The following PHF24 variants were observed in gnomAD, a reference collection of about 807,000 sequenced individuals.
PHF24 encodes the protein PHD finger protein 24.
A neutral mutation model predicts 42.6 loss-of-function variants in PHF24; 25 were observed. That is an observed-to-expected ratio of 0.59 (90% CI 0.43 to 0.82). The LOEUF (loss-of-function observed/expected upper bound fraction) is 0.82. Among genes scored for constraint, PHF24 ranks in the 40% least tolerant of loss-of-function variants. The pLI is 0.00. For synonymous variants in PHF24, 185 were observed against 204.8 expected (o/e 0.90, Z 0.83); for missense variants, 470 against 538.1 (o/e 0.87, Z 1.25).
the PHF24 span, among the ~76,000 whole-genome samples, chr9:34,914,710 G>A: frequency 6.6e-6 from 1 of 151,940 alleles, no homozygotes; most frequent in African/African-American, 2.4e-5. Flanking sequence ...TCACATTTGG[G>A]TTACTAGTCT....
chr9:34,887,850 A>C, the PHF24 span, among the ~76,000 whole-genome samples: 1 of 151,672 alleles, frequency 6.6e-6, no homozygotes, highest in East Asian at 1.9e-4. Flanking sequence ...TCTTATGTTC[A>C]CTGCTGTATT....
upstream of PHF24, among the ~76,000 whole-genome samples, chr9:34,956,749 T>G (rs1826384398): frequency 6.6e-6 from 1 of 152,258 alleles, no homozygotes; most frequent in African/African-American, 2.4e-5. Flanking sequence ...ACCCCCAGAC[T>G]ATATGGAAGG....
the PHF24 span, among the ~76,000 whole-genome samples, chr9:34,937,282 CTT>C: frequency 1.2e-4 from 19 of 152,082 alleles, no homozygotes; most frequent in Non-Finnish European, 2.6e-4. Flanking sequence ...ACATGGGAGA[CTT>C]TTCATTTTGT....
the PHF24 span, among the ~76,000 whole-genome samples, chr9:34,668,793 T>C: frequency 1.1e-4 from 17 of 152,228 alleles, 1 homozygote; most frequent in African/African-American, 4.1e-4. Context: ...CAATGTAAAC[T>C]GATAGCTTAT....
chr9:34,796,863 A>G, the PHF24 span, among the ~76,000 whole-genome samples: 1 of 152,378 alleles, frequency 6.6e-6, no homozygotes, highest in South Asian at 2.1e-4. Flanking sequence ...AACTTGTTAT[A>G]CGCCAATGCT....
the PHF24 span, among the ~76,000 whole-genome samples, chr9:34,783,624 C>T: frequency 5.9e-5 from 9 of 152,110 alleles, no homozygotes; most frequent in Admixed American, 1.3e-4. Context: ...ATTATGTCTC[C>T]CTTATCACTG....
At chr9:34,884,379 AG>A in the PHF24 span, among the ~76,000 whole-genome samples, 30 of 152,246 alleles carry the variant, frequency 2.0e-4, 1 homozygote, top group Admixed American at 3.9e-4. Flanking sequence ...ATTTAAAAAA[AG>A]AATAATTTTT....
chr9:34,770,868 C>CTT, the PHF24 span, among the ~76,000 whole-genome samples: 1 of 152,052 alleles, frequency 6.6e-6, no homozygotes, highest in South Asian at 2.1e-4. Flanking sequence ...AATCCCAGCA[C>CTT]TTTGGGAGGC....
the PHF24 span, among the ~76,000 whole-genome samples, chr9:34,759,792 A>G: frequency 1.3e-5 from 2 of 152,120 alleles, no homozygotes; most frequent in East Asian, 1.9e-4. Flanking sequence ...CATTAAAACC[A>G]TCTGCTGCAA....
chr9:34,682,130 A>G, the PHF24 span, among the ~76,000 whole-genome samples: 5 of 146,424 alleles, frequency 3.4e-5, no homozygotes, highest in Non-Finnish European at 7.5e-5. Flanking sequence ...ACCTGCCACC[A>G]CACCCGGCTA....
chr9:34,978,576 G>A, exon 8 of PHF24: 1 of 156,802 alleles, frequency 6.4e-6, no homozygotes, highest in Admixed American at 6.2e-5. Context: ...TTAGGAAGGG[G>A]GCATGTCAGA....
At chr9:34,763,475 C>T in the PHF24 span, among the ~76,000 whole-genome samples, 1 of 152,076 alleles carries the variant, frequency 6.6e-6, no homozygotes, top group Non-Finnish European at 1.5e-5. Flanking sequence ...AATGGGAGTT[C>T]ACTCATGATT....
At chr9:34,977,123 G>A (rs913864115) in exon 6 of PHF24, 17 of 1,612,698 alleles carry the variant, frequency 1.1e-5, no homozygotes, top group Middle Eastern at 3.3e-4. Flanking sequence ...GAGCGGGAGC[G>A]AGCCCGAGCC....
At chr9:34,976,834 C>A in intron 5 of PHF24, 94 bp downstream of exon 5, 1 of 1,087,888 alleles carries the variant, frequency 9.2e-7, no homozygotes, top group Non-Finnish European at 1.3e-6. Flanking sequence ...GGGTCCTGCT[C>A]AAGCAGGGAC....
intron 3 of PHF24, among the ~76,000 whole-genome samples, 177 bp from the exon 4 acceptor site, chr9:34,975,975 A>G (rs1055025648): frequency 6.6e-6 from 1 of 151,840 alleles, no homozygotes; most frequent in African/African-American, 2.4e-5. Flanking sequence ...AGTAAAGACA[A>G]CTCTGGCCAA....
upstream of PHF24, among the ~76,000 whole-genome samples, chr9:34,953,340 G>A (rs962415559): frequency 1.3e-5 from 2 of 152,134 alleles, no homozygotes; most frequent in Non-Finnish European, 2.9e-5. The surrounding 1 kb of genome is among the most constrained non-coding windows in gnomAD (Gnocchi z 4.1). Flanking sequence ...TGTAGAGACA[G>A]GGGTCTTGCT....
chr9:34,791,058 C>T, the PHF24 span, among the ~76,000 whole-genome samples: 2 of 152,192 alleles, frequency 1.3e-5, no homozygotes, highest in Admixed American at 1.3e-4. Context: ...CGATGTAAAA[C>T]CACTAGACGG....
At chr9:34,889,084 G>C in the PHF24 span, 2 of 398,472 alleles carry the variant, frequency 5.0e-6, no homozygotes, top group African/African-American at 4.1e-5. Flanking sequence ...AAGGTACAAA[G>C]TATATTTGGA....
chr9:34,913,035 C>T, the PHF24 span, among the ~76,000 whole-genome samples: 2 of 151,762 alleles, frequency 1.3e-5, no homozygotes, highest in African/African-American at 4.8e-5. Context: ...CTGAGAAATA[C>T]AGTATCTGAA....
Sources: gnomAD v4.1 joint callset for allele counts (sites outside exome capture counted in the v4.1 genomes callset) on GRCh38, gnomAD v4.1.1 for gene constraint, Gnocchi (gnomAD v3.1) non-coding constraint, MANE v1.5 for transcripts, NCBI Gene and HGNC (gene_info 2026-07-23, HGNC 2026-07-21) for gene names.